SGCG: variants seen among roughly 807,000 people sequenced by gnomAD.
The protein encoded by SGCG is sarcoglycan gamma.
SGCG carries 26 observed loss-of-function variants against 29.3 expected under a neutral mutation model. The ratio of observed to expected loss-of-function variants is 0.89; its 90% CI spans 0.65 to 1.23. The LOEUF (loss-of-function observed/expected upper bound fraction) is 1.23. Ranked by LOEUF, SGCG falls within the 50% of genes most tolerant of loss-of-function variation. The probability of loss-of-function intolerance (pLI) is 0.00; values close to 1 mark genes in which losing one functional copy is unlikely to be tolerated. For missense variants in SGCG, 353 were observed against 356.0 expected (o/e 0.99, Z 0.07); for synonymous variants, 145 against 129.7 (o/e 1.12, Z -0.80).
chr13:23,251,808 T>A (rs1031838934), intron 4 of SGCG, among the ~76,000 whole-genome samples: 4 of 152,188 alleles, frequency 2.6e-5, no homozygotes, highest in Admixed American at 1.3e-4. Flanking sequence ...ATTTGCTAAG[T>A]CTAGGAAACT....
chr13:23,184,165 G>T (rs1283743411), intron 1 of SGCG, among the ~76,000 whole-genome samples: 2 of 152,196 alleles, frequency 1.3e-5, no homozygotes, highest in Non-Finnish European at 2.9e-5. Context: ...TAAATGAACT[G>T]CCAGGCCATA....
At chr13:23,236,560 C>T (rs989536114) in intron 3 of SGCG, among the ~76,000 whole-genome samples, 3 of 152,040 alleles carry the variant, frequency 2.0e-5, no homozygotes, top group Non-Finnish European at 4.4e-5. Flanking sequence ...CGCCTGTAGT[C>T]CCAGCTACTT....
chr13:23,289,522 C>A (rs529874248), intron 5 of SGCG, among the ~76,000 whole-genome samples: 7 of 152,284 alleles, frequency 4.6e-5, no homozygotes, highest in African/African-American at 1.7e-4. Flanking sequence ...AAGTTACTCT[C>A]CCAGCTGAAA....
At chr13:23,270,090 G>A (rs1880813731) in intron 4 of SGCG, among the ~76,000 whole-genome samples, 1 of 151,980 alleles carries the variant, frequency 6.6e-6, no homozygotes, top group African/African-American at 2.4e-5. Context: ...TAGCCAGGAT[G>A]GTCTCCATCT....
intron 1 of SGCG, among the ~76,000 whole-genome samples, chr13:23,190,273 T>G (rs978922969): frequency 3.3e-5 from 5 of 152,156 alleles, no homozygotes; most frequent in African/African-American, 1.2e-4. Flanking sequence ...TTCTTCTGAC[T>G]TGATATGAGT....
At chr13:23,188,427 G>A (rs1253128056) in intron 1 of SGCG, among the ~76,000 whole-genome samples, 1 of 139,252 alleles carries the variant, frequency 7.2e-6, no homozygotes, top group African/African-American at 2.7e-5. Context: ...CCAGGTTCAA[G>A]CTATTCTCCT....
intron 4 of SGCG, chr13:23,269,000 A>G (rs2137599458): frequency 6.6e-6 from 1 of 152,284 alleles, no homozygotes; most frequent in South Asian, 2.1e-4. Flanking sequence ...ATATGAGTGC[A>G]GTTTCCAGTG....
At chr13:23,309,151 T>G (rs996402668) in intron 6 of SGCG, among the ~76,000 whole-genome samples, 2 of 152,034 alleles carry the variant, frequency 1.3e-5, no homozygotes, top group Non-Finnish European at 2.9e-5. Context: ...TCAAAGTGAT[T>G]ATTATTGATT....
intron 4 of SGCG, among the ~76,000 whole-genome samples, chr13:23,253,796 A>C (rs1330301010): frequency 6.6e-6 from 1 of 152,144 alleles, no homozygotes; most frequent in African/African-American, 2.4e-5. Context: ...CTTGGTGAAG[A>C]GTGGGTTATC....
intron 4 of SGCG, among the ~76,000 whole-genome samples, chr13:23,252,033 G>A (rs907915901): frequency 6.6e-5 from 10 of 152,004 alleles, no homozygotes; most frequent in African/African-American, 2.2e-4. Flanking sequence ...ATCATAACTT[G>A]TATCTCTCTT....
chr13:23,195,162 A>G (rs943598062), intron 1 of SGCG, among the ~76,000 whole-genome samples: 7 of 152,172 alleles, frequency 4.6e-5, no homozygotes, highest in African/African-American at 1.7e-4. Flanking sequence ...GTCTTGCTCT[A>G]TTGCCATTCT....
chr13:23,203,641 C>T, intron 1 of SGCG, 54 bp from the exon 2 acceptor site: 1 of 1,381,964 alleles, frequency 7.2e-7, no homozygotes, highest in African/African-American at 1.4e-5. Flanking sequence ...AGTTGCCTCC[C>T]TCATTCCCTC....
chr13:23,221,408 A>C (rs1389973816), intron 2 of SGCG, among the ~76,000 whole-genome samples: 4 of 152,218 alleles, frequency 2.6e-5, no homozygotes, highest in African/African-American at 9.6e-5. Flanking sequence ...AGGCCTGTGA[A>C]TTCTGAAGCA....
At chr13:23,201,923 A>C (rs1258696010) in intron 1 of SGCG, among the ~76,000 whole-genome samples, 2 of 152,158 alleles carry the variant, frequency 1.3e-5, no homozygotes, top group African/African-American at 4.8e-5. Flanking sequence ...AATGATAAGC[A>C]CTTTGGAATC....
the SGCG span, among the ~76,000 whole-genome samples, chr13:23,168,262 C>T: frequency 6.2e-4 from 94 of 152,230 alleles, no homozygotes; most frequent in African/African-American, 2.2e-3. Context: ...TTAAAATATA[C>T]TCCTAGTGAT....
intron 2 of SGCG, among the ~76,000 whole-genome samples, chr13:23,226,427 G>GAA (rs1168298495): frequency 7.0e-6 from 1 of 143,848 alleles, no homozygotes. Context: ...TAGGCTGAGA[G>GAA]CAAAAAAAAA....
At chr13:23,238,767 A>C (rs1020430785) in intron 3 of SGCG, among the ~76,000 whole-genome samples, 3 of 152,236 alleles carry the variant, frequency 2.0e-5, no homozygotes, top group African/African-American at 2.4e-5. Context: ...AAAAAACACA[A>C]AAGAATCTTC....
intron 2 of SGCG, among the ~76,000 whole-genome samples, chr13:23,205,053 A>G (rs1469398618): frequency 1.3e-5 from 2 of 152,020 alleles, no homozygotes; most frequent in African/African-American, 2.4e-5. Flanking sequence ...TGTAATCAAT[A>G]TAGATATATG....
At chr13:23,219,039 T>C (rs1593179459) in intron 2 of SGCG, among the ~76,000 whole-genome samples, 1 of 149,244 alleles carries the variant, frequency 6.7e-6, no homozygotes, top group East Asian at 1.9e-4. Context: ...ATATGCTATA[T>C]ATTTTTATGG....
Sources: allele counts gnomAD v4.1 joint callset (sites outside exome capture counted in the v4.1 genomes callset), GRCh38; gene constraint gnomAD v4.1.1; transcripts MANE v1.5; gene names NCBI Gene and HGNC (gene_info 2026-07-23, HGNC 2026-07-21).